ACTR3C: variants seen among roughly 807,000 people sequenced by gnomAD.
ACTR3C encodes actin-related protein 3C.
A neutral mutation model predicts 26.3 loss-of-function variants in ACTR3C; 18 were observed. The observed-to-expected ratio is 0.68, with a 90% CI of 0.47 to 1.01. The LOEUF (loss-of-function observed/expected upper bound fraction) is 1.01. Ranked by LOEUF, ACTR3C falls within the 50% of genes least tolerant of loss-of-function variation. The pLI, the probability that ACTR3C is intolerant of heterozygous loss-of-function variation, is 0.00. For missense variants in ACTR3C, 184 were observed against 250.7 expected, an observed-to-expected ratio of 0.73 and a Z score of 1.80; for synonymous variants, 55 against 94.5, an observed-to-expected ratio of 0.58 and a Z score of 2.42.
At chr7:150,043,596 T>C in the ACTR3C span, among the ~76,000 whole-genome samples, 3 of 152,340 alleles carry the variant, frequency 2.0e-5, no homozygotes, top group East Asian at 1.9e-4. Flanking sequence ...TAGGCGCCAG[T>C]GGGATCAAGA....
the ACTR3C span, among the ~76,000 whole-genome samples, chr7:150,077,646 TGGA>T: frequency 2.0e-5 from 3 of 152,194 alleles, no homozygotes; most frequent in East Asian, 1.9e-4. Flanking sequence ...TTCTTCCTCC[TGGA>T]GGAGAAGGGG....
chr7:150,167,018 G>GTATA, the ACTR3C span, among the ~76,000 whole-genome samples: 20,348 of 146,990 alleles, frequency 0.14, 2,336 homozygotes, highest in South Asian at 0.31. Flanking sequence ...ATTCCACTGT[G>GTATA]TATATATATA....
At chr7:150,105,375 C>A in the ACTR3C span, among the ~76,000 whole-genome samples, 1 of 152,014 alleles carries the variant, frequency 6.6e-6, no homozygotes, top group Non-Finnish European at 1.5e-5. Context: ...AGCCACCGCC[C>A]CCGGCCTCTT....
Position 150,247,373 on chromosome 7 carries a change from G to T in ACTR3C, c.*235C>A, listed in dbSNP as rs1311654396. On this transcript the variant is annotated 3_prime_UTR_variant, in exon 8 of 8. Transcript: ENST00000683684. The stretch of plus-strand genomic sequence containing the variant: ...CAAGAACATGCACATCTTCACCTGG[G>T]CTTGCTGCTGCCCCACGTAGTAAGG... 1 of 151,368 alleles carries T rather than the reference G, an allele frequency of 6.6e-6. No homozygotes were observed. The highest frequency in any genetic ancestry group is 2.4e-5 in the African/African-American group (1 of 41,116). The allele number at this position is 151,368 out of a possible 1,614,324, so 9.4% of individuals were successfully genotyped here. A position where few individuals can be genotyped will look rare whatever the true frequency, so the allele number is the denominator to read the frequency against.
the ACTR3C span, among the ~76,000 whole-genome samples, chr7:150,060,584 A>C: frequency 4.6e-5 from 7 of 152,284 alleles, no homozygotes; most frequent in Non-Finnish European, 1.0e-4. Context: ...AAAGCAGCCG[A>C]ACAAACAACA....
the ACTR3C span, among the ~76,000 whole-genome samples, chr7:149,954,867 A>C: frequency 1.3e-5 from 2 of 152,224 alleles, no homozygotes; most frequent in Admixed American, 1.3e-4. Context: ...TTTAGCTAGA[A>C]TCCTTCAACA....
At chr7:150,042,747 G>A in the ACTR3C span, among the ~76,000 whole-genome samples, 6 of 150,896 alleles carry the variant, frequency 4.0e-5, no homozygotes, top group Non-Finnish European at 7.4e-5. Flanking sequence ...TCTAATAGGG[G>A]GGCCATCCTT....
the ACTR3C span, among the ~76,000 whole-genome samples, chr7:150,019,599 A>AAATAAT: frequency 0.18 from 20,233 of 109,510 alleles, 1,616 homozygotes; most frequent in Non-Finnish European, 0.22. Context: ...TCAAAAATAA[A>AAATAAT]AATAATAATA....
chr7:150,132,997 T>A, the ACTR3C span, among the ~76,000 whole-genome samples: 1 of 152,178 alleles, frequency 6.6e-6, no homozygotes, highest in African/African-American at 2.4e-5. Context: ...TCTATCTATA[T>A]CTTTAAATTC....
the ACTR3C span, among the ~76,000 whole-genome samples, chr7:150,041,710 G>A: frequency 4.0e-4 from 58 of 145,054 alleles, no homozygotes; most frequent in African/African-American, 1.3e-3. Flanking sequence ...CACCCTCGCG[G>A]GGGGTGCCTC....
chr7:149,994,582 C>A, the ACTR3C span, among the ~76,000 whole-genome samples: 2 of 151,592 alleles, frequency 1.3e-5, no homozygotes, highest in African/African-American at 4.9e-5. Flanking sequence ...GCCTGGGCAA[C>A]AAGAGTGGAA....
the ACTR3C span, among the ~76,000 whole-genome samples, chr7:149,965,033 C>G: frequency 3.3e-5 from 5 of 151,806 alleles, no homozygotes. Flanking sequence ...ATGAAATATC[C>G]AAGTCCTTTT....
the ACTR3C span, among the ~76,000 whole-genome samples, chr7:150,229,750 G>C: frequency 0.041 from 5,928 of 146,190 alleles, 220 homozygotes; most frequent in African/African-American, 0.1. Context: ...CCTGCCTCAG[G>C]CTCCCAAAGT....
At chr7:150,207,931 G>A in the ACTR3C span, among the ~76,000 whole-genome samples, 1 of 151,868 alleles carries the variant, frequency 6.6e-6, no homozygotes, top group Non-Finnish European at 1.5e-5. Flanking sequence ...AAATCAAAAG[G>A]TATGTACTAA....
At chr7:149,968,104 C>G in the ACTR3C span, among the ~76,000 whole-genome samples, 6 of 152,262 alleles carry the variant, frequency 3.9e-5, no homozygotes, top group Non-Finnish European at 8.8e-5. Context: ...TGTAGTTACA[C>G]TCCCCAGGGT....
chr7:149,885,894 A>T, the ACTR3C span, among the ~76,000 whole-genome samples: 1 of 152,372 alleles, frequency 6.6e-6, no homozygotes, highest in East Asian at 1.9e-4. Flanking sequence ...TTAGCAGCTC[A>T]GCTCAGCTTG....
chr7:149,890,300 GA>G, the ACTR3C span, among the ~76,000 whole-genome samples: 1 of 150,488 alleles, frequency 6.6e-6, no homozygotes, highest in East Asian at 1.9e-4. Flanking sequence ...TTAACTTGAT[GA>G]AAAGAGCATC....
At chr7:150,003,761 G>A in the ACTR3C span, among the ~76,000 whole-genome samples, 6 of 152,192 alleles carry the variant, frequency 3.9e-5, no homozygotes, top group Admixed American at 6.5e-5. Context: ...GGTGTATGGT[G>A]TACAGTGTCT....
chr7:150,291,229 G>A (rs71537950), intron 3 of ACTR3C, among the ~76,000 whole-genome samples: 27,727 of 151,870 alleles, frequency 0.18, 3,416 homozygotes, highest in African/African-American at 0.34. Flanking sequence ...TCGGCAGTTC[G>A]AGACCAGCCT....
Sources: allele counts gnomAD v4.1 joint callset (sites outside exome capture counted in the v4.1 genomes callset), GRCh38; gene constraint gnomAD v4.1.1; transcripts MANE v1.5; gene names NCBI Gene and HGNC (gene_info 2026-07-23, HGNC 2026-07-21).